Variants in GFRA1 observed in about 807,000 individuals in gnomAD.
The protein encoded by GFRA1 is GDNF family receptor alpha 1.
In GFRA1, 16 loss-of-function variants were observed where a neutral mutation model predicts 51.6. The ratio of observed to expected loss-of-function variants is 0.31; its 90% CI spans 0.21 to 0.47. GFRA1 has a LOEUF of 0.47. Among genes scored for constraint, GFRA1 ranks in the 20% least tolerant of loss-of-function variants. The probability of loss-of-function intolerance (pLI) is 1.00; values close to 1 mark genes in which losing one functional copy is unlikely to be tolerated. For missense variants in GFRA1, 530 were observed against 594.3 expected, an observed-to-expected ratio of 0.89 and a Z score of 1.13; for synonymous variants, 270 against 241.3, an observed-to-expected ratio of 1.12 and a Z score of -1.10.
intron 4 of GFRA1, among the ~76,000 whole-genome samples, chr10:116,226,453 C>T (rs544971834): frequency 5.9e-5 from 9 of 152,130 alleles, no homozygotes; most frequent in Non-Finnish European, 1.2e-4. Flanking sequence ...GGGATTTCAT[C>T]GACAAGCGGC....
chr10:116,144,484 G>A (rs1318536527), intron 5 of GFRA1, among the ~76,000 whole-genome samples: 3 of 151,480 alleles, frequency 2.0e-5, no homozygotes, highest in South Asian at 2.1e-4. Context: ...TAAGCAAAAC[G>A]TACTCCTTTC....
At chr10:116,116,607 T>C (rs80081136) in intron 6 of GFRA1, among the ~76,000 whole-genome samples, 2,572 of 152,300 alleles carry the variant, frequency 0.017, 65 homozygotes, top group African/African-American at 0.059. Flanking sequence ...CCAATAAATA[T>C]GCCTGGACTG....
intron 5 of GFRA1, among the ~76,000 whole-genome samples, chr10:116,192,185 G>A (rs185231552): frequency 3.0e-4 from 46 of 152,246 alleles, no homozygotes; most frequent in Non-Finnish European, 2.9e-4. Flanking sequence ...CCCCAGCTTT[G>A]AATGGGCACC....
Position 116,096,685 on chromosome 10 carries a change from C to T in GFRA1, c.850G>A (p.Asp284Asn). 6.2e-7 allele frequency: 1 copy of T among 1,609,172 alleles called. No homozygotes were observed. Among genetic ancestry groups the T allele is most frequent in the Non-Finnish European group, 8.5e-7 (1 of 1,175,712 alleles). The change falls in exon 7 of 11, where the codon GAC becomes AAC. Residue 284 changes from aspartate (D) to asparagine (N), a missense_variant. Asp to Asn is a conservative substitution (Grantham distance 23). Transcript: ENST00000355422. ...VSSCLKENYADCLLAYSGLIG... is the reference protein window; with the variant it reads ...VSSCLKENYANCLLAYSGLIG... ...AGCCCCGAGTAGGCGAGGAGGCAGT[C>T]AGCGTAGTTTTCCTTTAGACAGCTG...
chr10:116,172,449 G>A (rs1961124318), intron 5 of GFRA1, among the ~76,000 whole-genome samples: 1 of 152,154 alleles, frequency 6.6e-6, no homozygotes, highest in Non-Finnish European at 1.5e-5. Flanking sequence ...AAAAATTACT[G>A]TACAAATAGT....
intron 5 of GFRA1, among the ~76,000 whole-genome samples, chr10:116,168,642 G>C (rs1360537662): frequency 2.6e-5 from 4 of 152,176 alleles, no homozygotes; most frequent in Non-Finnish European, 4.4e-5. Flanking sequence ...TGGAGAGGAA[G>C]GGCCAACCTC....
At chr10:116,104,474 AGGGGCTCT>A (rs555196304) in intron 6 of GFRA1, among the ~76,000 whole-genome samples, 6 of 152,180 alleles carry the variant, frequency 3.9e-5, no homozygotes, top group Non-Finnish European at 7.3e-5. Flanking sequence ...CCTGACTCAC[AGGGGCTCT>A]GGCAAAGCTT....
chr10:116,225,238 C>T (rs1262272914), intron 4 of GFRA1, among the ~76,000 whole-genome samples: 1 of 151,998 alleles, frequency 6.6e-6, no homozygotes, highest in Non-Finnish European at 1.5e-5. Context: ...AAATTACATG[C>T]TAAAATGATA....
intron 5 of GFRA1, among the ~76,000 whole-genome samples, chr10:116,130,228 T>C (rs1454735603): frequency 6.6e-6 from 1 of 152,004 alleles, no homozygotes; most frequent in Non-Finnish European, 1.5e-5. Context: ...CAATACTTTA[T>C]GATTATTAAG....
intron 5 of GFRA1, among the ~76,000 whole-genome samples, chr10:116,177,639 G>A (rs1241188929): frequency 6.6e-6 from 1 of 152,174 alleles, no homozygotes; most frequent in Non-Finnish European, 1.5e-5. Context: ...TTCTCCAAAG[G>A]AGCAGGATGT....
rs1954990108 is a variant in GFRA1 at position 116,064,343 on chromosome 10, C to A, written c.*55G>T. ...TTCAGCTATACAAGAGAACAGGAAA[C>A]AGATAACTTGGTTTTTGTCTTTTTA... On this transcript the variant is annotated 3_prime_UTR_variant, in exon 11 of 11. Coordinates refer to ENST00000355422, the MANE Select transcript of GFRA1 (RefSeq NM_005264.8). 1 of 1,490,350 alleles carries A rather than the reference C, an allele frequency of 6.7e-7. No homozygotes were observed. Among genetic ancestry groups the A allele is most frequent in the Non-Finnish European group, 9.3e-7 (1 of 1,074,022 alleles). 92.3% of individuals were successfully genotyped at this position (1,490,350 alleles called of 1,614,324 possible).
chr10:116,065,492 C>G, intron 10 of GFRA1, 81 bp downstream of exon 10: 1 of 1,125,700 alleles, frequency 8.9e-7, no homozygotes, highest in South Asian at 1.3e-5. Context: ...TCTTTGAATG[C>G]TTTATATGAT....
intron 9 of GFRA1, among the ~76,000 whole-genome samples, chr10:116,073,821 T>C (rs1366876650): frequency 6.6e-6 from 1 of 152,178 alleles, no homozygotes; most frequent in Admixed American, 6.5e-5. Flanking sequence ...GGCCCCGTAA[T>C]GGCTCTGTGA....
chr10:116,096,528 A>T, intron 7 of GFRA1, 127 bp downstream of exon 7: 2 of 693,596 alleles, frequency 2.9e-6, no homozygotes, highest in Non-Finnish European at 5.3e-6. Context: ...AGGATTTAAC[A>T]TCCAAACCCC....
chr10:116,268,979 A>C (rs144510554), intron 4 of GFRA1, among the ~76,000 whole-genome samples: 1 of 152,332 alleles, frequency 6.6e-6, no homozygotes, highest in Non-Finnish European at 1.5e-5. Context: ...TTGCTCAGGA[A>C]AAAATAGAAG....
intron 9 of GFRA1, among the ~76,000 whole-genome samples, chr10:116,085,854 G>C (rs1339364431): frequency 6.6e-6 from 1 of 152,202 alleles, no homozygotes; most frequent in East Asian, 1.9e-4. Flanking sequence ...TGAAGTCGGA[G>C]CTTTGCCTCT....
chr10:116,087,129 G>A lies in GFRA1; in HGVS notation c.1197+2612C>T, dbSNP rs145717296. On this transcript the variant is annotated intron_variant, in intron 9 of 10. Coordinates refer to ENST00000355422, the MANE Select transcript of GFRA1 (RefSeq NM_005264.8). ...AGACATGGTTTCTGGGGAATAGAGC[G>A]CCTGTGTTCCCTGATGTTGCCGGGA... Among the ~76,000 whole-genome samples the A allele has an allele frequency of 2.0e-4, 30 of 152,302 alleles. No individual in the cohort carries two copies. In the East Asian group the frequency reaches 4.4e-3, roughly 23 times the overall value.
rs34371262 is a variant in GFRA1 at position 116,270,874 on chromosome 10, C to G, written c.282G>C (p.Lys94Asn). Residue 94 changes from lysine to asparagine, a missense_variant, in exon 3 of 11, where the codon AAG (lysine) becomes AAC (asparagine). Coordinates refer to ENST00000355422, the MANE Select transcript of GFRA1 (RefSeq NM_005264.8). The stretch of plus-strand genomic sequence containing the variant: ...AAATGCGCAGGCAGTTCTTCTCCTT[C>G]TTCATACCCCGCTTGCAGCGGCAGT... ...LYNCRCKRGM[K>N]KEKNCLRIYW... 4.3e-6 allele frequency: 7 copies of G among 1,613,910 alleles called. No homozygotes were observed. Among genetic ancestry groups the G allele is most frequent in the Non-Finnish European group, 5.9e-6 (7 of 1,180,044 alleles).
rs59613368 is a variant in GFRA1 at position 116,213,014 on chromosome 10, CAG to C, written c.419-1371_419-1370del. On this transcript the variant is annotated intron_variant, in intron 4 of 10. Transcript: ENST00000355422. ...TAACTTAAAGACAAAAGAACACCAG[CAG>C]AGATACAGACAGTACCACTCAGATG... 7.5e-3 allele frequency among the ~76,000 whole-genome samples: 1,137 copies of C among 152,242 alleles called. 46 individuals carry two copies. In the East Asian group the frequency reaches 0.12, roughly 16 times the overall value.
Sources: allele counts gnomAD v4.1 joint callset (sites outside exome capture counted in the v4.1 genomes callset), GRCh38; gene constraint gnomAD v4.1.1; transcripts MANE v1.5; gene names NCBI Gene and HGNC (gene_info 2026-07-23, HGNC 2026-07-21).